Variants in ARPP21 observed in about 807,000 individuals in gnomAD.
ARPP21 encodes the protein cAMP-regulated phosphoprotein 21.
A neutral mutation model predicts 113.2 loss-of-function variants in ARPP21; 69 were observed. The observed-to-expected ratio is 0.61, with a 90% CI of 0.50 to 0.74. The LOEUF (loss-of-function observed/expected upper bound fraction) is 0.74, where lower values mean the gene tolerates loss of function less well. Ranked by LOEUF, ARPP21 falls within the 30% of genes least tolerant of loss-of-function variation. ARPP21 has a pLI of 0.00. For synonymous variants in ARPP21, 368 were observed against 375.5 expected, an observed-to-expected ratio of 0.98 and a Z score of 0.23; for missense variants, 1,070 against 1,037.4, an observed-to-expected ratio of 1.03 and a Z score of -0.43.
chr3:35,754,322 A>T (rs1316790147), intron 19 of ARPP21, among the ~76,000 whole-genome samples: 1 of 152,002 alleles, frequency 6.6e-6, no homozygotes. Context: ...AAGTTGTTAC[A>T]CTTGACAGCT....
intron 1 of ARPP21, among the ~76,000 whole-genome samples, chr3:35,670,617 A>C (rs1044126372): frequency 6.6e-6 from 1 of 152,088 alleles, no homozygotes; most frequent in Admixed American, 6.6e-5. Flanking sequence ...TCCGATCAGC[A>C]TTGCCACAGA....
intron 7 of ARPP21, 64 bp from the exon 8 acceptor site, chr3:35,690,017 A>G: frequency 1.3e-6 from 1 of 769,000 alleles, no homozygotes; most frequent in Non-Finnish European, 2.4e-6. Flanking sequence ...CATTTAATTA[A>G]TTCTTTAGGT....
At chr3:35,767,824 G>A (rs1401869455) in intron 19 of ARPP21, among the ~76,000 whole-genome samples, 1 of 151,874 alleles carries the variant, frequency 6.6e-6, no homozygotes, top group Non-Finnish European at 1.5e-5. Context: ...CTAACCCAGT[G>A]TTTCTAGGTG....
intron 1 of ARPP21, among the ~76,000 whole-genome samples, chr3:35,675,149 G>T: frequency 6.9e-6 from 1 of 145,172 alleles, no homozygotes; most frequent in East Asian, 2.0e-4. Context: ...CTGGGAATTT[G>T]CATTTTTTTT....
intron 9 of ARPP21, 64 bp from the exon 10 acceptor site, chr3:35,706,910 C>T: frequency 3.9e-6 from 5 of 1,278,656 alleles, no homozygotes; most frequent in Non-Finnish European, 5.5e-6. Context: ...AAGAACAACA[C>T]TAAAAAATAA....
rs371695404 is a variant in ARPP21, at chr3:35,779,287, G to A, written c.2138-13095G>A. Among the ~76,000 whole-genome samples the A allele has an allele frequency of 1.6e-4, 24 of 152,264 alleles. No individual in the cohort carries two copies. In the East Asian group the frequency reaches 4.6e-3, roughly 29 times the overall value. On this transcript the variant is annotated intron_variant, in intron 19 of 20. Coordinates refer to ENST00000684406, the MANE Select transcript of ARPP21 (RefSeq NM_001385562.1). ...TTCTCCCAATTATGAAGTACTTGTG[G>A]ACTATTACCAACAAAACAGAACACA...
intron 3 of ARPP21, 44 bp from the exon 4 acceptor site, chr3:35,682,804 G>C: frequency 6.4e-7 from 1 of 1,565,118 alleles, no homozygotes; most frequent in Non-Finnish European, 8.7e-7. Flanking sequence ...GTTCGTTTTT[G>C]TTTGTTTTAT....
chr3:35,735,364 T>G (rs879829197), intron 15 of ARPP21, among the ~76,000 whole-genome samples: 1 of 152,128 alleles, frequency 6.6e-6, no homozygotes, highest in Non-Finnish European at 1.5e-5. Flanking sequence ...CTACCCACCT[T>G]GACCTCCCAA....
rs375773481 is a variant in ARPP21, at chr3:35,750,808, A to G, written c.2137+6843A>G. 4.6e-5 allele frequency among the ~76,000 whole-genome samples: 7 copies of G among 152,272 alleles called. No homozygotes were observed. In the East Asian group the frequency reaches 5.8e-4, roughly 13 times the overall value. On this transcript the variant is annotated intron_variant, in intron 19 of 20. Coordinates refer to ENST00000684406, the MANE Select transcript of ARPP21 (RefSeq NM_001385562.1). ...CTTTTAGTTCCTTTTGCAATTGAAT[A>G]AGAAATGTTTTATCACCTAAAAAAA...
chr3:35,791,952 CAGG>C (rs1348719689), intron 19 of ARPP21, among the ~76,000 whole-genome samples: 2 of 152,060 alleles, frequency 1.3e-5, no homozygotes, highest in African/African-American at 4.8e-5. Context: ...TGAGATTGTC[CAGG>C]AGAAGAGGAT....
chr3:35,689,249 T>C, intron 6 of ARPP21, 58 bp from the exon 7 acceptor site: 1 of 837,940 alleles, frequency 1.2e-6, no homozygotes, highest in East Asian at 2.4e-5. Flanking sequence ...GGGGAAACCT[T>C]TTCTACCCCA....
chr3:35,694,422 A>G (rs1006335420), intron 9 of ARPP21, among the ~76,000 whole-genome samples: 4 of 151,490 alleles, frequency 2.6e-5, no homozygotes, highest in African/African-American at 4.8e-5. Context: ...AGCACTTTAC[A>G]TCTTGTAATA....
chr3:35,771,324 G>T (rs1004616219), intron 19 of ARPP21, among the ~76,000 whole-genome samples: 1 of 151,708 alleles, frequency 6.6e-6, no homozygotes, highest in Admixed American at 6.6e-5. Flanking sequence ...ACATCAGAAG[G>T]TAATGATTGT....
chr3:35,669,564 C>T (rs1473497035), intron 1 of ARPP21, among the ~76,000 whole-genome samples: 1 of 152,068 alleles, frequency 6.6e-6, no homozygotes, highest in African/African-American at 2.4e-5. Flanking sequence ...TTGTGTAATG[C>T]CAGATTTTCA....
chr3:35,660,074 C>A (rs1326527005), intron 1 of ARPP21, among the ~76,000 whole-genome samples: 1 of 152,200 alleles, frequency 6.6e-6, no homozygotes, highest in African/African-American at 2.4e-5. Context: ...GCCTTCCTGG[C>A]ATCCTTCTCA....
At chr3:35,735,483 GAAGAAT>G (rs1273249266) in intron 15 of ARPP21, among the ~76,000 whole-genome samples, 2 of 152,034 alleles carry the variant, frequency 1.3e-5, no homozygotes, top group Admixed American at 6.6e-5. Context: ...TTATATTGTT[GAAGAAT>G]AAGGCTGTTG....
At chr3:35,639,502 AG>A (rs146535013), upstream of ARPP21, 10,159 of 152,252 alleles carry the variant, frequency 0.067, 386 homozygotes, top group South Asian at 0.15. This position sits in a 1 kb window ranked among gnomAD's most constrained non-coding sequence, Gnocchi z 5.0. Context: ...GCCGCGTGGG[AG>A]GGCACGGACC....
At chr3:35,729,661 G>A (rs1258991799) in intron 15 of ARPP21, 125 bp downstream of exon 15, 2 of 761,372 alleles carry the variant, frequency 2.6e-6, no homozygotes, top group South Asian at 1.8e-5. Flanking sequence ...TGCATGAACT[G>A]TTATGAAGCA....
chr3:35,793,578 C>T, intron 20 of ARPP21, 123 bp from the exon 21 acceptor site: 1 of 682,896 alleles, frequency 1.5e-6, no homozygotes, highest in Non-Finnish European at 2.6e-6. Context: ...AATGGCAGAG[C>T]TGGAATTGAT....
Sources: allele counts gnomAD v4.1 joint callset (sites outside exome capture counted in the v4.1 genomes callset), GRCh38; gene constraint gnomAD v4.1.1; non-coding constraint Gnocchi (gnomAD v3.1); transcripts MANE v1.5; gene names NCBI Gene and HGNC (gene_info 2026-07-23, HGNC 2026-07-21).